TENM3: variants seen among roughly 807,000 people sequenced by gnomAD.
TENM3 encodes teneurin-3.
A neutral mutation model predicts 255.1 loss-of-function variants in TENM3; 63 were observed. The ratio of observed to expected loss-of-function variants is 0.25; its 90% CI spans 0.20 to 0.30. The LOEUF (loss-of-function observed/expected upper bound fraction) is 0.30, where lower values mean the gene tolerates loss of function less well. Ranked by LOEUF, TENM3 falls within the 10% of genes least tolerant of loss-of-function variation. TENM3 has a pLI of 1.00. For missense variants in TENM3, 2,929 were observed against 3,461.1 expected, an observed-to-expected ratio of 0.85 and a Z score of 3.86; for synonymous variants, 1,306 against 1,322.3, an observed-to-expected ratio of 0.99 and a Z score of 0.27.
chr4:181,663,516 GT>G, the TENM3 span, among the ~76,000 whole-genome samples: 308 of 152,274 alleles, frequency 2.0e-3, 1 homozygote, highest in Non-Finnish European at 3.5e-3. Context: ...AAATATTACA[GT>G]TTGGTTAACA....
chr4:182,035,021 A>G, the TENM3 span, among the ~76,000 whole-genome samples: 6 of 151,820 alleles, frequency 4.0e-5, no homozygotes, highest in Non-Finnish European at 5.9e-5. Flanking sequence ...AGGTACCCCA[A>G]TCAGTCTTAG....
chr4:181,796,917 A>G, the TENM3 span, among the ~76,000 whole-genome samples: 1 of 152,268 alleles, frequency 6.6e-6, no homozygotes, highest in East Asian at 1.9e-4. Flanking sequence ...GAGCAAGTCT[A>G]GAAACTGCCT....
chr4:182,334,287 C>G (rs142246846), intron 2 of TENM3, among the ~76,000 whole-genome samples: 3,285 of 152,108 alleles, frequency 0.022, 59 homozygotes, highest in Middle Eastern at 0.034. Flanking sequence ...AAACGTAAAA[C>G]AGGACCTAAA....
chr4:181,917,333 C>T, the TENM3 span, among the ~76,000 whole-genome samples: 1 of 152,176 alleles, frequency 6.6e-6, no homozygotes, highest in South Asian at 2.1e-4. Flanking sequence ...AGTAGCACTA[C>T]CCCAGTTATC....
At chr4:182,798,814 G>C (rs1399413353) in intron 27 of TENM3, among the ~76,000 whole-genome samples, 1 of 152,182 alleles carries the variant, frequency 6.6e-6, no homozygotes, top group Non-Finnish European at 1.5e-5. Flanking sequence ...GCTGCCCCAA[G>C]TACAGAAAAA....
At chr4:181,575,898 A>G in the TENM3 span, among the ~76,000 whole-genome samples, 1 of 152,240 alleles carries the variant, frequency 6.6e-6, no homozygotes, top group Non-Finnish European at 1.5e-5. Context: ...AGACATGGCC[A>G]GGAATCAATA....
At chr4:182,260,755 C>T (rs1036082052) in intron 1 of TENM3, among the ~76,000 whole-genome samples, 5 of 152,106 alleles carry the variant, frequency 3.3e-5, no homozygotes, top group African/African-American at 9.7e-5. Flanking sequence ...AAAATCAAAT[C>T]AACATACTGA....
intron 1 of TENM3, among the ~76,000 whole-genome samples, chr4:182,319,112 G>A (rs1762904762): frequency 6.6e-6 from 1 of 151,888 alleles, no homozygotes; most frequent in Non-Finnish European, 1.5e-5. Flanking sequence ...TTTGTTTTTT[G>A]TCACCTTTCT....
chr4:182,574,745 G>C (rs1050324446), intron 3 of TENM3, among the ~76,000 whole-genome samples: 2 of 151,948 alleles, frequency 1.3e-5, no homozygotes, highest in Non-Finnish European at 2.9e-5. Context: ...CTCCCTGCAA[G>C]ATTTGGTAGT....
At chr4:182,346,619 A>T in intron 2 of TENM3, 32 bp from the exon 3 acceptor site, 1 of 1,582,174 alleles carries the variant, frequency 6.3e-7, no homozygotes, top group Non-Finnish European at 8.7e-7. Flanking sequence ...ACATATACTC[A>T]CTAGTTGTTA....
At chr4:182,679,636 T>C (rs752482736) in intron 7 of TENM3, 30 bp from the exon 8 acceptor site, 1 of 1,565,706 alleles carries the variant, frequency 6.4e-7, no homozygotes, top group Non-Finnish European at 8.7e-7. Context: ...CCTTTATCTT[T>C]CTGACTATTT....
At chr4:181,742,436 T>C in the TENM3 span, among the ~76,000 whole-genome samples, 1 of 152,130 alleles carries the variant, frequency 6.6e-6, no homozygotes. Context: ...CAGGGCTTTT[T>C]ATGTACCAGG....
intron 3 of TENM3, among the ~76,000 whole-genome samples, chr4:182,450,256 T>G (rs1178247322): frequency 1.3e-5 from 2 of 152,250 alleles, no homozygotes; most frequent in Non-Finnish European, 2.9e-5. Context: ...GACCTCTGTG[T>G]GCTAATTGTT....
chr4:182,758,940 G>C (rs887019184), intron 22 of TENM3, among the ~76,000 whole-genome samples: 4 of 152,164 alleles, frequency 2.6e-5, no homozygotes, highest in African/African-American at 9.7e-5. Flanking sequence ...TTTGTGTATG[G>C]CCAGCTTTCT....
the TENM3 span, among the ~76,000 whole-genome samples, chr4:181,479,637 C>CA: frequency 6.6e-6 from 1 of 151,842 alleles, no homozygotes; most frequent in Non-Finnish European, 1.5e-5. Context: ...AGCTTTATAT[C>CA]AAAAAAATTA....
intron 3 of TENM3, among the ~76,000 whole-genome samples, chr4:182,392,636 A>G (rs983834137): frequency 6.6e-6 from 1 of 152,192 alleles, no homozygotes; most frequent in Admixed American, 6.5e-5. Flanking sequence ...GAAGGGAGAC[A>G]GGCAAAGCCG....
chr4:182,490,789 T>C (rs959767492), intron 3 of TENM3, among the ~76,000 whole-genome samples: 1 of 151,998 alleles, frequency 6.6e-6, no homozygotes, highest in African/African-American at 2.4e-5. Flanking sequence ...ACTTGCTAAC[T>C]CTTGGCCTGG....
At chr4:182,171,718 A>AT (rs1752119235) in intron 1 of TENM3, among the ~76,000 whole-genome samples, 1 of 152,196 alleles carries the variant, frequency 6.6e-6, no homozygotes, top group Admixed American at 6.5e-5. Context: ...CGAGTGCTTG[A>AT]TTTTAGAACA....
upstream of TENM3, among the ~76,000 whole-genome samples, chr4:182,239,695 A>C (rs1238233523): frequency 6.6e-6 from 1 of 152,216 alleles, no homozygotes; most frequent in Non-Finnish European, 1.5e-5. Flanking sequence ...CAGGGTAGGG[A>C]GAAAATACCA....
Sources: allele counts gnomAD v4.1 joint callset (sites outside exome capture counted in the v4.1 genomes callset), GRCh38; gene constraint gnomAD v4.1.1; transcripts MANE v1.5; gene names NCBI Gene and HGNC (gene_info 2026-07-23, HGNC 2026-07-21).